Variants in TMPRSS9 observed in about 807,000 individuals in gnomAD.
TMPRSS9 encodes transmembrane serine protease 9, also known as transmembrane protease serine 9.
In TMPRSS9, 113 loss-of-function variants were observed where a neutral mutation model predicts 111.4. That is an observed-to-expected ratio of 1.01 (90% CI 0.87 to 1.19). TMPRSS9 has a LOEUF of 1.19. TMPRSS9 is among the 50% of genes most tolerant of loss of function. The pLI is 0.00. For missense variants in TMPRSS9, 1,803 were observed against 1,513.1 expected, an observed-to-expected ratio of 1.19 and a Z score of -3.18; for synonymous variants, 805 against 659.1, an observed-to-expected ratio of 1.22 and a Z score of -3.39.
intron 1 of TMPRSS9, among the ~76,000 whole-genome samples, chr19:2,392,610 A>G (rs10414747): frequency 0.54 from 82,743 of 151,920 alleles, 23,273 homozygotes; most frequent in Middle Eastern, 0.68. Context: ...TGGGGACTTG[A>G]AGAATTGTTA....
exon 18 of TMPRSS9, chr19:2,426,109 C>G (rs370039572): frequency 2.3e-5 from 37 of 1,593,890 alleles, no homozygotes; most frequent in Non-Finnish European, 5.1e-6. Flanking sequence ...ACTGCCCAGG[C>G]CGAGACTCTA....
At chr19:2,414,086 G>A (rs746961783) in intron 10 of TMPRSS9, 68 bp downstream of exon 11, 53 of 1,411,580 alleles carry the variant, frequency 3.8e-5, no homozygotes, top group Non-Finnish European at 4.2e-5. Context: ...AACGGATATC[G>A]TCATAGTATC....
At chr19:2,394,190 T>A (rs2145295901) in intron 1 of TMPRSS9, among the ~76,000 whole-genome samples, 2 of 150,562 alleles carry the variant, frequency 1.3e-5, no homozygotes, top group South Asian at 4.2e-4. Flanking sequence ...CAACAGAGTG[T>A]GAGACTGTGT....
At chr19:2,384,446 C>CGAGCAGATCACCCGGGGT (rs1970430020) in intron 1 of TMPRSS9, among the ~76,000 whole-genome samples, 1 of 151,944 alleles carries the variant, frequency 6.6e-6, no homozygotes, top group Non-Finnish European at 1.5e-5. Context: ...GAGGCCGAGG[C>CGAGCAGATCACCCGGGGT]GAGCAGATCA....
Position 2,426,151 on chromosome 19 carries a change from ACACCC to A in TMPRSS9, c.*73_*77del, listed in dbSNP as rs888291175. On this transcript the variant is annotated 3_prime_UTR_variant, in exon 18 of 18. Transcript: ENST00000648592. The stretch of plus-strand genomic sequence containing the variant: ...AGCAACAGGAGCAGCAGGCCACCCA[ACACCC>A]CACCCCACCGTACCCTACCCAAGGA... 6.5e-6 allele frequency: 9 copies of A among 1,380,202 alleles called. No individual in the cohort carries two copies. In the African/African-American group the frequency reaches 1.2e-4, roughly 19 times the overall value. The allele number at this position is 1,380,202 out of a possible 1,614,324, so 85.5% of individuals were successfully genotyped here.
intron 1 of TMPRSS9, among the ~76,000 whole-genome samples, chr19:2,362,187 C>T (rs1054929500): frequency 1.3e-5 from 2 of 150,966 alleles, no homozygotes; most frequent in African/African-American, 4.9e-5. Context: ...TCATGTCATG[C>T]GTGATTGTGT....
At chr19:2,399,689 GTTGTC>G (rs766749907) in intron 4 of TMPRSS9, among the ~76,000 whole-genome samples, 47 of 152,240 alleles carry the variant, frequency 3.1e-4, no homozygotes, top group African/African-American at 9.1e-4. Flanking sequence ...GTTGTGTTGT[GTTGTC>G]TTGTCTTGTC....
intron 6 of TMPRSS9, 61 bp downstream of exon 7, chr19:2,403,256 G>A: frequency 7.3e-7 from 1 of 1,370,810 alleles, no homozygotes; most frequent in South Asian, 1.2e-5. Context: ...TCAGCTGCTG[G>A]CTCTGGTCTG....
upstream of TMPRSS9, among the ~76,000 whole-genome samples, chr19:2,385,150 AGCTCGCGGAGGGCGGG>A (rs1306787550): frequency 0.082 from 9,758 of 119,296 alleles, 1,457 homozygotes; most frequent in African/African-American, 0.3. Context: ...CAGGGGGCGG[AGCTCGCGGAGGGCGGG>A]GCTCGCGGGG....
At chr19:2,419,522 CTT>C (rs796669347) in intron 13 of TMPRSS9, among the ~76,000 whole-genome samples, 2 of 131,412 alleles carry the variant, frequency 1.5e-5, no homozygotes, top group Non-Finnish European at 1.6e-5. Context: ...TTTCTTTTTC[CTT>C]TTTTTTTTTT....
chr19:2,416,911 C>G (rs537200695), intron 12 of TMPRSS9, 102 bp downstream of exon 13: 1 of 1,386,700 alleles, frequency 7.2e-7, no homozygotes, highest in Admixed American at 2.4e-5. Flanking sequence ...AAACCAATTC[C>G]ACTGCACAGG....
chr19:2,389,722 C>T (rs533002902), upstream of TMPRSS9: 50 of 1,549,752 alleles, frequency 3.2e-5, no homozygotes, highest in African/African-American at 6.7e-4. Context: ...CACCTTCAGC[C>T]TCTGACCCCG....
intron 1 of TMPRSS9, among the ~76,000 whole-genome samples, chr19:2,390,231 G>GT (rs1198106187): frequency 0.15 from 16,053 of 109,310 alleles, 3,132 homozygotes; most frequent in African/African-American, 0.24. Flanking sequence ...ACCCAAAGTA[G>GT]TTTTTTTTTT....
chr19:2,392,159 G>A (rs1004572237), intron 1 of TMPRSS9, among the ~76,000 whole-genome samples: 3 of 151,876 alleles, frequency 2.0e-5, no homozygotes, highest in Non-Finnish European at 2.9e-5. Context: ...GACCAACCTA[G>A]GCAACATAGC....
chr19:2,412,414 G>T (rs1971117034), intron 9 of TMPRSS9, among the ~76,000 whole-genome samples: 1 of 152,012 alleles, frequency 6.6e-6, no homozygotes, highest in African/African-American at 2.4e-5. Context: ...AAACAAAATT[G>T]AAAATTTAAA....
chr19:2,408,990 AAATAATAATAATAAT>A (rs71178274), intron 8 of TMPRSS9, among the ~76,000 whole-genome samples: 3 of 125,008 alleles, frequency 2.4e-5, no homozygotes, highest in East Asian at 2.3e-4. Context: ...CTCCATCTCA[AAATAATAATAATAAT>A]AATAATAATA....
chr19:2,410,309 C>T (rs780691347), exon 9 of TMPRSS9: 12 of 1,613,938 alleles, frequency 7.4e-6, no homozygotes, highest in Middle Eastern at 1.6e-4. Context: ...CTGGACCAGG[C>T]ACTGTGTGCC....
At chr19:2,374,583 AAAAAAG>A (rs1467785605) in intron 1 of TMPRSS9, among the ~76,000 whole-genome samples, 1 of 152,062 alleles carries the variant, frequency 6.6e-6, no homozygotes, top group Non-Finnish European at 1.5e-5. Flanking sequence ...AAAAAAAGAA[AAAAAAG>A]AAAACAAAAA....
At chr19:2,410,308 G>A in exon 9 of TMPRSS9, 1 of 1,614,066 alleles carries the variant, frequency 6.2e-7, no homozygotes, top group Non-Finnish European at 8.5e-7. Flanking sequence ...GCTGGACCAG[G>A]CACTGTGTGC....
Sources: allele counts gnomAD v4.1 joint callset (sites outside exome capture counted in the v4.1 genomes callset), GRCh38; gene constraint gnomAD v4.1.1; transcripts MANE v1.5; gene names NCBI Gene and HGNC (gene_info 2026-07-23, HGNC 2026-07-21).